ARHGAP32: variants seen among roughly 807,000 people sequenced by gnomAD.
ARHGAP32 encodes Rho GTPase activating protein 32.
In ARHGAP32, 51 loss-of-function variants were observed where a neutral mutation model predicts 186.5. The observed-to-expected ratio is 0.27, with a 90% CI of 0.22 to 0.35. The LOEUF is 0.35. Among genes scored for constraint, ARHGAP32 ranks in the 10% least tolerant of loss-of-function variants. The pLI is 1.00. For synonymous variants in ARHGAP32, 950 were observed against 964.3 expected, an observed-to-expected ratio of 0.99 and a Z score of 0.27; for missense variants, 2,186 against 2,623.5, an observed-to-expected ratio of 0.83 and a Z score of 3.64.
intron 12 of ARHGAP32, among the ~76,000 whole-genome samples, chr11:128,995,410 T>C (rs890173879): frequency 6.6e-6 from 1 of 152,084 alleles, no homozygotes; most frequent in African/African-American, 2.4e-5. Flanking sequence ...GGTTTTGCTA[T>C]ATGCTGCCCA....
chr11:128,992,916 A>G (rs922505104), intron 12 of ARHGAP32, among the ~76,000 whole-genome samples: 12 of 152,366 alleles, frequency 7.9e-5, no homozygotes, highest in Non-Finnish European at 1.8e-4. Flanking sequence ...AATCAGTTCT[A>G]CAAATAACTG....
intron 11 of ARHGAP32, among the ~76,000 whole-genome samples, chr11:129,025,485 AT>A (rs995819961): frequency 1.2e-4 from 19 of 152,166 alleles, no homozygotes; most frequent in African/African-American, 4.6e-4. Flanking sequence ...ACATCTGCAG[AT>A]TATTGAATTT....
intron 1 of ARHGAP32, among the ~76,000 whole-genome samples, chr11:129,209,979 G>A (rs1159837635): frequency 6.6e-6 from 1 of 152,178 alleles, no homozygotes; most frequent in Non-Finnish European, 1.5e-5. Context: ...CAAGGTGACA[G>A]AATGCTCAAG....
Position 129,062,363 on chromosome 11 carries a change from A to T in ARHGAP32, c.886-6T>A. On this transcript the variant is annotated splice_polypyrimidine_tract_variant and splice_region_variant and intron_variant, in intron 9 of 22. Transcript: ENST00000682385. ...ACAGAAACAATGTCTCCCACCTAGG[A>T]GAATCAAAATTTTAAGCAAAATGGT... The T allele has an allele frequency of 1.2e-6, 2 of 1,611,206 alleles. No individual in the cohort carries two copies. Among genetic ancestry groups the T allele is most frequent in the Non-Finnish European group, 1.7e-6 (2 of 1,178,376 alleles).
At chr11:129,046,224 T>TA (rs1358381425) in intron 10 of ARHGAP32, among the ~76,000 whole-genome samples, 1 of 152,132 alleles carries the variant, frequency 6.6e-6, no homozygotes, top group African/African-American at 2.4e-5. Context: ...AGCATACAGA[T>TA]AGAGTAGCTG....
chr11:129,261,655 C>T (rs1945321900), intron 1 of ARHGAP32, among the ~76,000 whole-genome samples: 1 of 152,160 alleles, frequency 6.6e-6, no homozygotes, highest in Non-Finnish European at 1.5e-5. Context: ...CAACTTGGTG[C>T]TGAGGAATTC....
chr11:129,079,927 A>ATATTC (rs575547610), intron 6 of ARHGAP32, among the ~76,000 whole-genome samples: 1,771 of 152,328 alleles, frequency 0.012, 33 homozygotes, highest in African/African-American at 0.04. Flanking sequence ...ATGCAAAGGG[A>ATATTC]CACCAAAAGT....
chr11:129,132,239 G>A (rs1438433242), intron 2 of ARHGAP32, among the ~76,000 whole-genome samples: 2 of 152,214 alleles, frequency 1.3e-5, no homozygotes, highest in Admixed American at 6.5e-5. Context: ...AAGACTTTGG[G>A]AGGCCAAGGC....
rs541031072 is a variant in ARHGAP32 at position 129,174,125 on chromosome 11, T to C, written c.117-9698A>G. 9.9e-4 allele frequency among the ~76,000 whole-genome samples: 151 copies of C among 152,280 alleles called. 1 individual carries two copies. Among genetic ancestry groups the C allele is most frequent in the African/African-American group, 3.5e-3 (146 of 41,570 alleles). On this transcript the variant is annotated intron_variant, in intron 1 of 22. Coordinates refer to ENST00000682385, the MANE Select transcript of ARHGAP32 (RefSeq NM_001378024.1). ...AAAGCAGGGCGAGGCATTGCCTCAC[T>C]CGGGAAGCGCAGAGGGTCAGGGAGT... is the stretch of plus-strand genomic sequence containing the variant.
At position 129,182,944 on chromosome 11, in the gene ARHGAP32, G is replaced by A. The variant is rs192797962; in HGVS notation, c.116+9139C>T. On this transcript the variant is annotated intron_variant, in intron 1 of 22. Coordinates refer to ENST00000682385, the MANE Select transcript of ARHGAP32 (RefSeq NM_001378024.1). ...ATTACAGACATGAGTCACTGCACCC[G>A]GCCTTAAAAAATTTTTTATGTTTTC... Among the ~76,000 whole-genome samples, 16 of 151,978 alleles carry A rather than the reference G, an allele frequency of 1.1e-4. No homozygotes were observed. In the South Asian group the frequency reaches 1.2e-3, roughly 12 times the overall value.
upstream of ARHGAP32, among the ~76,000 whole-genome samples, chr11:129,194,702 G>T (rs190655090): frequency 6.6e-6 from 1 of 151,552 alleles, no homozygotes; most frequent in Admixed American, 6.6e-5. Flanking sequence ...GCAGTGAGCC[G>T]AGATCACGCC....
chr11:129,029,826 A>AAC (rs1939034271), intron 11 of ARHGAP32, among the ~76,000 whole-genome samples: 3 of 149,472 alleles, frequency 2.0e-5, no homozygotes, highest in African/African-American at 7.4e-5. Context: ...AAAAAAAAAA[A>AAC]CGGGTAGGAA....
At chr11:129,136,563 T>C (rs1337853359) in intron 2 of ARHGAP32, among the ~76,000 whole-genome samples, 4 of 152,136 alleles carry the variant, frequency 2.6e-5, no homozygotes, top group Admixed American at 6.5e-5. Flanking sequence ...TGGAAAATTA[T>C]AGGCTAATCT....
At chr11:129,167,904 G>T (rs911479796) in intron 1 of ARHGAP32, among the ~76,000 whole-genome samples, 1 of 152,078 alleles carries the variant, frequency 6.6e-6, no homozygotes. Context: ...AAAGTAAATG[G>T]ACTTAAAGAT....
At chr11:129,158,997 C>A (rs1478749798) in intron 2 of ARHGAP32, among the ~76,000 whole-genome samples, 2 of 152,156 alleles carry the variant, frequency 1.3e-5, no homozygotes, top group Non-Finnish European at 2.9e-5. Flanking sequence ...TAAATAAGTT[C>A]TTTGAAATCA....
At chr11:128,975,152 CA>C (rs1417971324) in intron 20 of ARHGAP32, 150 bp from the exon 21 acceptor site, 2 of 639,046 alleles carry the variant, frequency 3.1e-6, no homozygotes, top group Admixed American at 6.4e-5. Context: ...TCAGTGCACA[CA>C]GATCATTTAC....
At chr11:129,009,155 A>T (rs1937942825) in intron 11 of ARHGAP32, among the ~76,000 whole-genome samples, 1 of 152,098 alleles carries the variant, frequency 6.6e-6, no homozygotes, top group Non-Finnish European at 1.5e-5. Context: ...AATTTTTCTA[A>T]ATCTGTTATT....
chr11:129,184,908 C>G (rs1176308934), intron 1 of ARHGAP32, among the ~76,000 whole-genome samples: 1 of 152,098 alleles, frequency 6.6e-6, no homozygotes, highest in Non-Finnish European at 1.5e-5. Flanking sequence ...AAGAACGTAT[C>G]AGGCAAATAC....
At chr11:129,194,946 T>TG (rs1485769211), upstream of ARHGAP32, among the ~76,000 whole-genome samples, 4 of 121,172 alleles carry the variant, frequency 3.3e-5, no homozygotes, top group Admixed American at 2.6e-4. Context: ...GTTGTTTTTT[T>TG]GTGGGGGGGG....
Sources: allele counts gnomAD v4.1 joint callset (sites outside exome capture counted in the v4.1 genomes callset), GRCh38; gene constraint gnomAD v4.1.1; transcripts MANE v1.5; gene names NCBI Gene and HGNC (gene_info 2026-07-23, HGNC 2026-07-21).